GNE: variants seen among roughly 807,000 people sequenced by gnomAD.
GNE encodes bifunctional UDP-N-acetylglucosamine 2-epimerase/N-acetylmannosamine kinase.
Under a neutral mutation model 61.8 loss-of-function variants are expected in GNE, and 41 were observed. The observed-to-expected ratio is 0.66, with a 90% CI of 0.52 to 0.86. The LOEUF is 0.86. GNE is among the 40% of genes least tolerant of loss of function. The pLI is 0.00. For missense variants in GNE, 608 were observed against 909.1 expected (o/e 0.67, Z 4.26); for synonymous variants, 264 against 326.4 (o/e 0.81, Z 2.06).
At chr9:36,259,392 CT>C (rs10557132), upstream of GNE, among the ~76,000 whole-genome samples, 2,536 of 151,644 alleles carry the variant, frequency 0.017, 71 homozygotes, top group African/African-American at 0.057. Context: ...ATATTAACAT[CT>C]TTTTTTTTTT....
chr9:36,263,264 G>A (rs570004695), upstream of GNE: 26 of 191,352 alleles, frequency 1.4e-4, no homozygotes, highest in African/African-American at 5.2e-4. Flanking sequence ...TCTGCCTCCC[G>A]GGTTCAAGCA....
At chr9:36,220,118 AGGGTCTATAGATACTT>A in intron 9 of GNE, 98 bp from the exon 10 acceptor site, 1 of 974,252 alleles carries the variant, frequency 1.0e-6, no homozygotes, top group South Asian at 1.3e-5. Flanking sequence ...TTGGCATGTG[AGGGTCTATAGATACTT>A]CTTTAGACAG....
chr9:36,234,647 A>C (rs1829319223), intron 4 of GNE, among the ~76,000 whole-genome samples: 1 of 152,174 alleles, frequency 6.6e-6, no homozygotes, highest in Admixed American at 6.5e-5. Flanking sequence ...TTTTAACTGC[A>C]TGACTTAATA....
intron 1 of GNE, among the ~76,000 whole-genome samples, chr9:36,256,684 A>AT (rs1181541405): frequency 2.6e-5 from 4 of 152,220 alleles, no homozygotes; most frequent in Non-Finnish European, 4.4e-5. Flanking sequence ...TGTGAAGAGA[A>AT]TATTTTTAAG....
intron 1 of GNE, chr9:36,264,908 T>A (rs1219375851): frequency 6.4e-6 from 1 of 157,368 alleles, no homozygotes; most frequent in African/African-American, 2.4e-5. Flanking sequence ...CCTCCCTTTG[T>A]ATGGGAGCTG....
chr9:36,254,618 G>A (rs1830254088), intron 1 of GNE, among the ~76,000 whole-genome samples: 4 of 152,014 alleles, frequency 2.6e-5, no homozygotes, highest in Admixed American at 2.6e-4. Flanking sequence ...ACTTACAATG[G>A]ACAGTCTTGA....
chr9:36,241,733 A>G (rs1026879815), intron 3 of GNE, among the ~76,000 whole-genome samples: 4 of 152,102 alleles, frequency 2.6e-5, no homozygotes, highest in African/African-American at 4.8e-5. Context: ...TAACATTGCT[A>G]ATTTTAAAAT....
chr9:36,240,120 T>C (rs1347942021), intron 3 of GNE, among the ~76,000 whole-genome samples: 2 of 152,282 alleles, frequency 1.3e-5, no homozygotes, highest in African/African-American at 4.8e-5. Context: ...AGAGTGACGG[T>C]TTGACTTCCT....
chr9:36,227,977 G>A lies in GNE; in HGVS notation c.1071-519C>T, dbSNP rs1828964963. Among the ~76,000 whole-genome samples the A allele has an allele frequency of 2.1e-5, 3 of 143,494 alleles. No homozygotes were observed. In the Admixed American group the frequency reaches 2.1e-4, roughly 10 times the overall value. 94.1% of individuals were successfully genotyped at this position (143,494 alleles called of 152,430 possible). ...GAACCCGGGAAGCGGAGGTTGCAGTGAGTCGAGATCGCACCACTGCACTCC... is the reference window on the plus strand; with the variant it reads ...GAACCCGGGAAGCGGAGGTTGCAGTAAGTCGAGATCGCACCACTGCACTCC... On this transcript the variant is annotated intron_variant, in intron 6 of 11. Transcript: ENST00000642385.
intron 1 of GNE, among the ~76,000 whole-genome samples, chr9:36,272,644 A>G (rs1445807007): frequency 2.6e-4 from 37 of 144,796 alleles, no homozygotes; most frequent in African/African-American, 9.0e-4. Context: ...AAAAAAAAAA[A>G]AGAACTACAG....
rs1401903556 is a variant in GNE at position 36,216,861 on chromosome 9, A to C, written c.*504T>G. The C allele has an allele frequency of 5.6e-6, 1 of 177,242 alleles. No homozygotes were observed. Among genetic ancestry groups the C allele is most frequent in the African/African-American group, 2.4e-5 (1 of 41,426 alleles). The allele number at this position is 177,242 out of a possible 1,614,324, so 11.0% of individuals were successfully genotyped here. A position where few individuals can be genotyped will look rare whatever the true frequency, so the allele number is the denominator to read the frequency against. On this transcript the variant is annotated 3_prime_UTR_variant, in exon 12 of 12. Transcript: ENST00000642385. ...GTATTTTTAGTAGAGACGGGGTTTC[A>C]CCATGTTTCACCATGTTAGCCAGGG...
intron 5 of GNE, among the ~76,000 whole-genome samples, chr9:36,229,952 C>CT (rs1175311803): frequency 0.02 from 2,998 of 146,726 alleles, 107 homozygotes; most frequent in African/African-American, 0.067. Flanking sequence ...TCTCCTTTCA[C>CT]TTTTTTTTTT....
At position 36,229,071 on chromosome 9, in the gene GNE, T is replaced by C. The variant is rs747807631; in HGVS notation, c.1020A>G (p.Gln340=). 25 of 1,611,324 alleles carry C rather than the reference T, an allele frequency of 1.6e-5. No homozygotes were observed. The East Asian group carries it at 4.9e-4, about 32-fold the overall frequency. Reference sequence around the variant, plus strand: ...GGTGCAGTGCTTGCAATATTTTGTCTTGGGTGTCAGCATCCCGGACATGAA... The same window carrying C: ...GGTGCAGTGCTTGCAATATTTTGTCCTGGGTGTCAGCATCCCGGACATGAA... ...NVLHVRDADT[Q]DKILQALHLQ... The change falls in exon 6 of 12, where the codon CAA becomes CAG. Residue 340 remains glutamine (Q), a synonymous_variant. Coordinates refer to ENST00000642385, the MANE Select transcript of GNE (RefSeq NM_005476.7).
At chr9:36,224,115 T>C (rs1355527099) in intron 7 of GNE, among the ~76,000 whole-genome samples, 1 of 151,752 alleles carries the variant, frequency 6.6e-6, no homozygotes, top group African/African-American at 2.4e-5. Context: ...TAAAAGACCA[T>C]AGTTTACTCT....
At chr9:36,267,587 T>G (rs1034009073) in intron 1 of GNE, among the ~76,000 whole-genome samples, 4 of 151,984 alleles carry the variant, frequency 2.6e-5, no homozygotes, top group African/African-American at 9.7e-5. Context: ...TCCTAGCTAC[T>G]CGGGAAGCTT....
chr9:36,225,793 A>T (rs563547092), intron 7 of GNE, among the ~76,000 whole-genome samples: 15 of 152,296 alleles, frequency 9.8e-5, no homozygotes, highest in East Asian at 3.9e-4. Context: ...AAATTTTTTT[A>T]AATTAAGAGA....
intron 8 of GNE, 58 bp from the exon 9 acceptor site, chr9:36,223,056 G>T: frequency 6.7e-7 from 1 of 1,482,934 alleles, no homozygotes; most frequent in Non-Finnish European, 9.4e-7. Context: ...AGGAAAGTAT[G>T]CTGACTTTCT....
chr9:36,223,635 A>G lies in GNE; in HGVS notation c.1282-133T>C, dbSNP rs957252643. On this transcript the variant is annotated intron_variant, in intron 7 of 11. Transcript: ENST00000642385. ...CGCAGTCTTAGATGACTGCTTGGGG[A>G]AGGACCCACTGCCTGGTCTGGGCCA... The G allele has an allele frequency of 3.3e-6, 3 of 895,600 alleles. No individual in the cohort carries two copies. In the African/African-American group the frequency reaches 4.9e-5, roughly 15 times the overall value. 55.5% of individuals were successfully genotyped at this position (895,600 alleles called of 1,614,324 possible). A position where few individuals can be genotyped will look rare whatever the true frequency, so the allele number is the denominator to read the frequency against.
chr9:36,248,761 A>G (rs1830002880), intron 2 of GNE, among the ~76,000 whole-genome samples: 1 of 152,182 alleles, frequency 6.6e-6, no homozygotes, highest in Admixed American at 6.6e-5. Context: ...CATATCTACT[A>G]CTTTATATGC....
Sources: gnomAD v4.1 joint callset for allele counts (sites outside exome capture counted in the v4.1 genomes callset) on GRCh38, gnomAD v4.1.1 for gene constraint, MANE v1.5 for transcripts, NCBI Gene and HGNC (gene_info 2026-07-23, HGNC 2026-07-21) for gene names.